The following PRKCA variants were observed in gnomAD, a reference collection of about 807,000 sequenced individuals.
PRKCA encodes the protein protein kinase C alpha.
In PRKCA, 27 loss-of-function variants were observed where a neutral mutation model predicts 87.0. That is an observed-to-expected ratio of 0.31 (90% CI 0.23 to 0.43). The LOEUF (loss-of-function observed/expected upper bound fraction) is 0.43. Among genes scored for constraint, PRKCA ranks in the 20% least tolerant of loss-of-function variants. The pLI is 1.00. For synonymous variants in PRKCA, 329 were observed against 311.1 expected, an observed-to-expected ratio of 1.06 and a Z score of -0.61; for missense variants, 518 against 852.3, an observed-to-expected ratio of 0.61 and a Z score of 4.88.
chr17:66,367,637 C>T (rs1908811860), intron 2 of PRKCA, among the ~76,000 whole-genome samples: 1 of 152,138 alleles, frequency 6.6e-6, no homozygotes. Flanking sequence ...ATTTTTCTCT[C>T]CTGGTTAAAT....
At chr17:66,625,754 G>A (rs16959759) in intron 3 of PRKCA, among the ~76,000 whole-genome samples, 4,401 of 152,252 alleles carry the variant, frequency 0.029, 193 homozygotes, top group African/African-American at 0.098. Context: ...TGTGCCATTG[G>A]TTCAGCGTCT....
At chr17:66,339,636 G>T (rs1186962131) in intron 2 of PRKCA, among the ~76,000 whole-genome samples, 2 of 152,106 alleles carry the variant, frequency 1.3e-5, no homozygotes. Flanking sequence ...TAAAAAGAAA[G>T]AAATATAACA....
At chr17:66,564,203 C>T (rs551135074) in intron 3 of PRKCA, among the ~76,000 whole-genome samples, 2 of 152,018 alleles carry the variant, frequency 1.3e-5, no homozygotes, top group East Asian at 3.9e-4. Context: ...CTCAGCCTCC[C>T]GAGTAGCTAG....
chr17:66,351,534 G>C (rs1181967502), intron 2 of PRKCA, among the ~76,000 whole-genome samples: 3 of 152,174 alleles, frequency 2.0e-5, no homozygotes, highest in Non-Finnish European at 4.4e-5. Context: ...GCTGTGTTTA[G>C]AAAGGGCTAT....
chr17:66,456,351 A>G (rs1440585045), intron 2 of PRKCA, among the ~76,000 whole-genome samples: 2 of 152,124 alleles, frequency 1.3e-5, no homozygotes, highest in African/African-American at 4.8e-5. Flanking sequence ...TTTTAATACC[A>G]GGTATATACT....
At chr17:66,382,844 C>T (rs750945156) in intron 2 of PRKCA, among the ~76,000 whole-genome samples, 2 of 152,038 alleles carry the variant, frequency 1.3e-5, no homozygotes, top group Non-Finnish European at 2.9e-5. Flanking sequence ...CAGACACCCC[C>T]CCATTACCAC....
At chr17:66,439,830 AC>A (rs1182649182) in intron 2 of PRKCA, among the ~76,000 whole-genome samples, 4 of 152,202 alleles carry the variant, frequency 2.6e-5, no homozygotes, top group Non-Finnish European at 5.9e-5. Context: ...TACCTTAAGG[AC>A]CTGGATAGCA....
chr17:66,377,615 CTA>C (rs1408777260), intron 2 of PRKCA, among the ~76,000 whole-genome samples: 2 of 134,756 alleles, frequency 1.5e-5, no homozygotes, highest in Non-Finnish European at 3.1e-5. Flanking sequence ...TATATAATGT[CTA>C]TATTATATAT....
chr17:66,496,084 G>C (rs1403588275), intron 2 of PRKCA, 117 bp from the exon 3 acceptor site: 1 of 760,210 alleles, frequency 1.3e-6, no homozygotes, highest in Non-Finnish European at 2.2e-6. Context: ...CTGTTTATAA[G>C]ATTCTGTCTG....
intron 5 of PRKCA, among the ~76,000 whole-genome samples, chr17:66,656,069 G>C (rs1971727381): frequency 6.6e-6 from 1 of 152,178 alleles, no homozygotes; most frequent in Non-Finnish European, 1.5e-5. Flanking sequence ...GACTCCAACA[G>C]AGCTTTTCAC....
intron 3 of PRKCA, among the ~76,000 whole-genome samples, chr17:66,612,769 A>C (rs1320179195): frequency 6.6e-6 from 1 of 151,916 alleles, no homozygotes; most frequent in Non-Finnish European, 1.5e-5. Context: ...ATGGAAACTC[A>C]AGAGATAAGT....
In PRKCA at chr17:66,805,130, T is replaced by G; in HGVS notation, c.*1093T>G. The G allele has an allele frequency of 1.0e-6, 1 of 984,018 alleles. No homozygotes were observed. Among genetic ancestry groups the G allele is most frequent in the Non-Finnish European group, 1.2e-6 (1 of 828,628 alleles). The allele number at this position is 984,018 out of a possible 1,614,324, so 61.0% of individuals were successfully genotyped here. ...CTAGCCCTGGATGTCCACTTAGGGA[T>G]AAAAAGAATATGGTTTTGGTTCCCA... On this transcript the variant is annotated 3_prime_UTR_variant, in exon 17 of 17. Transcript: ENST00000413366.
intron 2 of PRKCA, among the ~76,000 whole-genome samples, chr17:66,375,085 G>A (rs1909347230): frequency 6.6e-6 from 1 of 152,002 alleles, no homozygotes; most frequent in African/African-American, 2.4e-5. Flanking sequence ...ATGGTATGCA[G>A]CCTTGAGGGG....
At chr17:66,571,242 C>T (rs550551724) in intron 3 of PRKCA, among the ~76,000 whole-genome samples, 3 of 152,154 alleles carry the variant, frequency 2.0e-5, no homozygotes, top group South Asian at 2.1e-4. Context: ...TGTGGCATTG[C>T]GTGTACTTAT....
intron 3 of PRKCA, among the ~76,000 whole-genome samples, chr17:66,498,410 G>A (rs1030857133): frequency 4.6e-5 from 7 of 152,030 alleles, no homozygotes; most frequent in African/African-American, 1.7e-4. Flanking sequence ...GCCCCATCAA[G>A]AATGGGAAGG....
chr17:66,624,445 G>C (rs1034364307), intron 3 of PRKCA, among the ~76,000 whole-genome samples: 3 of 152,164 alleles, frequency 2.0e-5, no homozygotes, highest in African/African-American at 7.2e-5. Context: ...ACTGGGCAGA[G>C]GGTTCTAAAT....
intron 14 of PRKCA, chr17:66,778,213 CTCTA>C (rs1644712344): frequency 1.0e-6 from 1 of 985,036 alleles, no homozygotes; most frequent in Admixed American, 6.1e-5. Context: ...TCTCCATCAT[CTCTA>C]TTAAAAACGG....
chr17:66,666,077 A>T (rs1308946229), intron 5 of PRKCA, among the ~76,000 whole-genome samples: 1 of 152,210 alleles, frequency 6.6e-6, no homozygotes. Flanking sequence ...ATGTGACTTG[A>T]TGAGAGCAAT....
Position 66,806,719 on chromosome 17 carries a change from AGTTT to A in PRKCA, c.*2687_*2690del. On this transcript the variant is annotated 3_prime_UTR_variant, in exon 17 of 17. Coordinates refer to ENST00000413366, the MANE Select transcript of PRKCA (RefSeq NM_002737.3). Reference sequence around the variant, plus strand: ...CTTCCCTGCAACCCCAACACCCACAAGTTTGTTTCTCTAGGAAACACATTCACTG... The same window carrying A: ...CTTCCCTGCAACCCCAACACCCACAAGTTTCTCTAGGAAACACATTCACTG... The A allele has an allele frequency of 6.6e-6, 1 of 152,258 alleles. No individual in the cohort carries two copies. The highest frequency in any genetic ancestry group is 2.4e-5 in the African/African-American group (1 of 41,540). 9.4% of individuals were successfully genotyped at this position (152,258 alleles called of 1,614,324 possible). A position where few individuals can be genotyped will look rare whatever the true frequency, so the allele number is the denominator to read the frequency against.
Sources: gnomAD v4.1 joint callset for allele counts (sites outside exome capture counted in the v4.1 genomes callset) on GRCh38, gnomAD v4.1.1 for gene constraint, MANE v1.5 for transcripts, NCBI Gene and HGNC (gene_info 2026-07-23, HGNC 2026-07-21) for gene names.